Variants in DMD observed in about 807,000 individuals in gnomAD.
DMD encodes the protein dystrophin, also known as mutant dystrophin.
DMD carries 63 observed loss-of-function variants against 330.1 expected under a neutral mutation model. That is an observed-to-expected ratio of 0.19 (90% CI 0.16 to 0.24). DMD has a LOEUF of 0.24. Ranked by LOEUF, DMD falls within the 10% of genes least tolerant of loss-of-function variation. The pLI, the probability that DMD is intolerant of heterozygous loss-of-function variation, is 1.00. For missense variants in DMD, 3,344 were observed against 2,684.1 expected, an observed-to-expected ratio of 1.25 and a Z score of -5.43; for synonymous variants, 1,223 against 959.8, an observed-to-expected ratio of 1.27 and a Z score of -5.07.
At chrX:32,617,555 A>G (rs1291158550) in intron 11 of DMD, among the ~76,000 whole-genome samples, 1 of 111,240 alleles carries the variant, frequency 9.0e-6, no homozygotes, top group Non-Finnish European at 1.9e-5. Flanking sequence ...CACATACAAA[A>G]ACCAATTTGA....
At position 32,147,616 on chromosome X, in the gene DMD, T is replaced by C. The variant is rs185728744; in HGVS notation, c.6438+69300A>G. On this transcript the variant is annotated intron_variant, in intron 44 of 78. Transcript: ENST00000357033. ...CAGCTGTGTACGGTACATTGTGATG[T>C]TAACATAAAAGAAGTAGTGAACAGG... Among the ~76,000 whole-genome samples the C allele has an allele frequency of 4.6e-4, 51 of 111,566 alleles. No individual in the cohort carries two copies. The Admixed American group carries it at 4.8e-3, about 10-fold the overall frequency.
chrX:33,250,488 C>T (rs1051244267), intron 1 of DMD, among the ~76,000 whole-genome samples: 2 of 110,630 alleles, frequency 1.8e-5, no homozygotes, highest in African/African-American at 6.6e-5. Flanking sequence ...GGCCACAGAC[C>T]AGTACCGGTC....
chrX:33,201,721 G>C, intron 1 of DMD, among the ~76,000 whole-genome samples: 1 of 112,373 alleles, frequency 8.9e-6, no homozygotes, highest in Non-Finnish European at 1.9e-5. Context: ...GTACTATTCA[G>C]AATAGTATGG....
chrX:32,711,576 G>C (rs1167173945), intron 7 of DMD, among the ~76,000 whole-genome samples: 1 of 111,751 alleles, frequency 8.9e-6, no homozygotes, highest in Non-Finnish European at 1.9e-5. Context: ...TCATAAGTCT[G>C]GATTTAATCT....
intron 45 of DMD, among the ~76,000 whole-genome samples, chrX:31,948,393 G>C (rs1419736818): frequency 9.0e-6 from 1 of 111,560 alleles, no homozygotes; most frequent in Non-Finnish European, 1.9e-5. Context: ...CCAGGAGTGA[G>C]GTTGCTGGAT....
chrX:32,117,743 C>A (rs1279111808), intron 44 of DMD, among the ~76,000 whole-genome samples: 1 of 112,068 alleles, frequency 8.9e-6, no homozygotes, highest in Non-Finnish European at 1.9e-5. Flanking sequence ...CTACAGGGCA[C>A]TTAGAATCTA....
At chrX:32,639,877 T>A (rs1402948849) in intron 11 of DMD, among the ~76,000 whole-genome samples, 1 of 110,180 alleles carries the variant, frequency 9.1e-6, no homozygotes, top group Non-Finnish European at 1.9e-5. Flanking sequence ...ACTGAGGCAA[T>A]TAGAAAAGGC....
intron 1 of DMD, among the ~76,000 whole-genome samples, chrX:33,260,761 A>G (rs2052940489): frequency 9.0e-6 from 1 of 111,682 alleles, no homozygotes; most frequent in Non-Finnish European, 1.9e-5. Context: ...ATACAATTAT[A>G]TATTTTTAAA....
At chrX:32,530,331 G>A (rs5972594) in intron 17 of DMD, among the ~76,000 whole-genome samples, 49,362 of 110,895 alleles carry the variant, frequency 0.45, 8,049 homozygotes, top group Admixed American at 0.57. Context: ...CCATAGAATC[G>A]TTGATTGCAG....
intron 9 of DMD, among the ~76,000 whole-genome samples, chrX:32,681,061 TAAAGAATCTTAGAGCAGC>T (rs1421900382): frequency 1.8e-5 from 2 of 112,558 alleles, no homozygotes; most frequent in East Asian, 5.6e-4. Context: ...TATTAGGCGA[TAAAGAATCTTAGAGCAGC>T]AAAGATTCCA....
At chrX:32,545,738 G>A (rs1247897784) in intron 16 of DMD, among the ~76,000 whole-genome samples, 2 of 111,029 alleles carry the variant, frequency 1.8e-5, no homozygotes, top group Non-Finnish European at 3.8e-5. Flanking sequence ...CATTTTAAAT[G>A]CTTATTAATA....
chrX:32,405,473 T>C (rs1842725015), intron 30 of DMD, among the ~76,000 whole-genome samples: 1 of 105,480 alleles, frequency 9.5e-6, no homozygotes, highest in African/African-American at 3.6e-5. Context: ...TTCTAAGATA[T>C]ATTTCCATAT....
chrX:32,819,864 AAAG>A (rs1338017722), intron 5 of DMD, among the ~76,000 whole-genome samples: 53 of 110,246 alleles, frequency 4.8e-4, no homozygotes, highest in African/African-American at 1.5e-3. Flanking sequence ...AAAAAAAAAA[AAAG>A]AAAAACACAT....
At chrX:32,601,047 TA>T (rs2056150573) in intron 12 of DMD, among the ~76,000 whole-genome samples, 1 of 111,344 alleles carries the variant, frequency 9.0e-6, no homozygotes, top group Non-Finnish European at 1.9e-5. Flanking sequence ...GTAGGTAATT[TA>T]TTTTTTTCAC....
At chrX:32,417,562 G>A (rs190049151) in intron 29 of DMD, among the ~76,000 whole-genome samples, 58 of 110,876 alleles carry the variant, frequency 5.2e-4, no homozygotes, top group Admixed American at 4.5e-3. Context: ...GAAGAAGGGG[G>A]GCAGCCTGTA....
chrX:32,791,892 T>A (rs1005236291), intron 7 of DMD, among the ~76,000 whole-genome samples: 21 of 109,063 alleles, frequency 1.9e-4, no homozygotes, highest in Non-Finnish European at 2.5e-4. Flanking sequence ...CTGAAAGATC[T>A]CAAAAAGGGA....
chrX:33,167,380 T>G (rs771781194), intron 1 of DMD, among the ~76,000 whole-genome samples: 1 of 111,371 alleles, frequency 9.0e-6, no homozygotes, highest in African/African-American at 3.2e-5. Context: ...TAAATGGTAC[T>G]GCTTCAATTC....
In DMD at chrX:32,605,744, G is replaced by A. The variant is rs193177079; in HGVS notation, c.1482+8559C>T. 4.6e-5 allele frequency among the ~76,000 whole-genome samples: 5 copies of A among 108,689 alleles called. No individual in the cohort carries two copies. The East Asian group carries it at 8.6e-4, about 19-fold the overall frequency. The allele number at this position is 108,689 out of a possible 115,157, so 94.4% of individuals were successfully genotyped here. ...AAAAAGTAGGCAAAGGACATTAGCA[G>A]ACATTTTTTAAAAGAAGATATACAA... On this transcript the variant is annotated intron_variant, in intron 12 of 78. Transcript: ENST00000357033.
At chrX:33,137,251 A>G (rs1053756199) in intron 1 of DMD, among the ~76,000 whole-genome samples, 4 of 111,448 alleles carry the variant, frequency 3.6e-5, no homozygotes, top group African/African-American at 1.3e-4. Flanking sequence ...AGGATTTCCA[A>G]CCACTTTAAC....
Sources: allele counts gnomAD v4.1 joint callset (sites outside exome capture counted in the v4.1 genomes callset), GRCh38; gene constraint gnomAD v4.1.1; transcripts MANE v1.5; gene names NCBI Gene and HGNC (gene_info 2026-07-23, HGNC 2026-07-21).